Variants in PCDHA10 observed in about 807,000 individuals in gnomAD.
PCDHA10 encodes the protein protocadherin alpha-10.
Under a neutral mutation model 61.2 loss-of-function variants are expected in PCDHA10, and 45 were observed. That is an observed-to-expected ratio of 0.74 (90% CI 0.58 to 0.94). The LOEUF is 0.94. Among genes scored for constraint, PCDHA10 ranks in the 40% least tolerant of loss-of-function variants. The pLI is 0.00. For synonymous variants in PCDHA10, 602 were observed against 548.8 expected, an observed-to-expected ratio of 1.10 and a Z score of -1.35; for missense variants, 1,278 against 1,236.2, an observed-to-expected ratio of 1.03 and a Z score of -0.51.
At chr5:140,930,616 G>T (rs2086997332) in intron 1 of PCDHA10, among the ~76,000 whole-genome samples, 2 of 152,154 alleles carry the variant, frequency 1.3e-5, no homozygotes, top group African/African-American at 4.8e-5. Context: ...TGCAAGAGAA[G>T]GAGGTGTGTA....
At chr5:140,994,163 G>A (rs2097601451) in intron 3 of PCDHA10, among the ~76,000 whole-genome samples, 1 of 152,200 alleles carries the variant, frequency 6.6e-6, no homozygotes, top group African/African-American at 2.4e-5. Flanking sequence ...CAACGAAGGG[G>A]AAGGAAGCTG....
intron 1 of PCDHA10, among the ~76,000 whole-genome samples, chr5:140,957,571 G>A (rs2095367794): frequency 6.6e-6 from 1 of 152,068 alleles, no homozygotes; most frequent in African/African-American, 2.4e-5. Flanking sequence ...AGGGACTACT[G>A]TACTTTTAAC....
intron 1 of PCDHA10, among the ~76,000 whole-genome samples, chr5:140,950,613 A>G (rs980395914): frequency 3.3e-5 from 5 of 152,064 alleles, no homozygotes; most frequent in African/African-American, 1.2e-4. Context: ...TGATGTGCTT[A>G]TTTATGCTTT....
At chr5:140,943,893 A>AT (rs1364551909) in intron 1 of PCDHA10, among the ~76,000 whole-genome samples, 3 of 152,226 alleles carry the variant, frequency 2.0e-5, no homozygotes, top group Non-Finnish European at 4.4e-5. Flanking sequence ...ACTGGTCATT[A>AT]TGATGTCATG....
chr5:140,877,193 G>T, intron 1 of PCDHA10: 1 of 1,613,832 alleles, frequency 6.2e-7, no homozygotes, highest in Non-Finnish European at 8.5e-7. Flanking sequence ...GGCAGCGCAG[G>T]AGGCGCAGTT....
At chr5:140,873,452 C>G (rs147398020) in intron 1 of PCDHA10, among the ~76,000 whole-genome samples, 1 of 152,006 alleles carries the variant, frequency 6.6e-6, no homozygotes, top group South Asian at 2.1e-4. Context: ...AACAAATTTG[C>G]ATTTTAGATA....
At chr5:141,002,485 C>T (rs1287282223) in intron 3 of PCDHA10, among the ~76,000 whole-genome samples, 2 of 152,154 alleles carry the variant, frequency 1.3e-5, no homozygotes, top group Non-Finnish European at 2.9e-5. Flanking sequence ...AAAGGATGAC[C>T]TTGTTATACA....
chr5:140,933,586 T>A (rs1474110331), intron 1 of PCDHA10, among the ~76,000 whole-genome samples: 1 of 152,108 alleles, frequency 6.6e-6, no homozygotes, highest in Non-Finnish European at 1.5e-5. Flanking sequence ...AGTGGGTTTT[T>A]AGGTTGATTT....
Position 140,979,011 on chromosome 5 carries a change from T to C in PCDHA10, c.2447+4T>C. On this transcript the variant is annotated splice_donor_region_variant and intron_variant, in intron 2 of 3. Coordinates refer to ENST00000307360, the MANE Select transcript of PCDHA10 (RefSeq NM_018901.4). ...CCCTGAGAGCAGGCATGCACAGGTA[T>C]GTATTTCCCTCCTCATTCACTCAGA... The C allele has an allele frequency of 6.2e-7, 1 of 1,613,950 alleles. No homozygotes were observed. The highest frequency in any genetic ancestry group is 8.5e-7 in the Non-Finnish European group (1 of 1,179,938).
chr5:140,857,569 G>T lies in PCDHA10; in HGVS notation c.1521G>T (p.Val507=), dbSNP rs1554150250. 3 of 1,596,900 alleles carry T rather than the reference G, an allele frequency of 1.9e-6. No homozygotes were observed. The highest frequency in any genetic ancestry group is 1.1e-5 in the South Asian group (1 of 90,498). ...GCGAGCGCTCGCTGTCGAGCTACGT[G>T]TCGGTGCACGCGGAGAGCGGCAAGG... ...RLGERSLSSY[V]SVHAESGKVY... Residue 507 remains valine (V), a synonymous_variant, in exon 1 of 4, where the codon GTG becomes GTT. Coordinates refer to ENST00000307360, the MANE Select transcript of PCDHA10 (RefSeq NM_018901.4).
chr5:140,923,280 A>C (rs2081292990), intron 1 of PCDHA10, among the ~76,000 whole-genome samples: 1 of 152,220 alleles, frequency 6.6e-6, no homozygotes, highest in South Asian at 2.1e-4. Context: ...CTCTACAAAA[A>C]ATTAAAAATT....
chr5:140,926,806 C>T, intron 1 of PCDHA10: 1 of 1,456,722 alleles, frequency 6.9e-7, no homozygotes, highest in Non-Finnish European at 9.0e-7. Flanking sequence ...CTCTTCCCCG[C>T]GGCTCGTGCT....
At position 140,878,940 on chromosome 5, in the gene PCDHA10, A is replaced by G. The variant is rs554609702; in HGVS notation, c.2388+20504A>G. ...CTTCAATCAATAATTTTAAATAAATATATGGTATTGAAATGTATTACCTGG... is the reference window on the plus strand; with the variant it reads ...CTTCAATCAATAATTTTAAATAAATGTATGGTATTGAAATGTATTACCTGG... On this transcript the variant is annotated intron_variant, in intron 1 of 3. Transcript: ENST00000307360. 9.8e-5 allele frequency among the ~76,000 whole-genome samples: 15 copies of G among 152,366 alleles called. No individual in the cohort carries two copies. In the East Asian group the frequency reaches 2.3e-3, roughly 23 times the overall value.
At chr5:140,882,556 T>C (rs367760301) in intron 1 of PCDHA10, 103 of 1,614,070 alleles carry the variant, frequency 6.4e-5, no homozygotes, top group African/African-American at 9.3e-5. Flanking sequence ...AGGAGCTGTG[T>C]GGGCGGAGCG....
intron 1 of PCDHA10, among the ~76,000 whole-genome samples, chr5:140,913,494 T>C (rs1554195964): frequency 6.6e-6 from 1 of 152,116 alleles, no homozygotes; most frequent in Non-Finnish European, 1.5e-5. Flanking sequence ...CATTAGTCTG[T>C]TTAAAACTTT....
At chr5:140,969,236 G>A (rs782453054) in intron 1 of PCDHA10, 5 of 1,614,052 alleles carry the variant, frequency 3.1e-6, no homozygotes, top group Non-Finnish European at 4.2e-6. Flanking sequence ...GGGAGCCCAA[G>A]CAGCAGTGAC....
intron 1 of PCDHA10, chr5:140,862,524 C>T: frequency 4.8e-6 from 2 of 417,532 alleles, no homozygotes; most frequent in Middle Eastern, 9.1e-4. Context: ...TTGTTGGCCA[C>T]AGCCATCGGG....
rs782293908 is a variant in PCDHA10, at chr5:140,870,195, C to A, written c.2388+11759C>A. 3.1e-6 allele frequency: 5 copies of A among 1,614,178 alleles called. No individual in the cohort carries two copies. In the South Asian group the frequency reaches 5.5e-5, roughly 18 times the overall value. On this transcript the variant is annotated intron_variant, in intron 1 of 3. Transcript: ENST00000307360. ...TCCCAGTACGAGAGGACGCTCAGCC[C>A]AGCACGGTCATTGCCCTGATCAGCG...
intron 1 of PCDHA10, among the ~76,000 whole-genome samples, chr5:140,918,467 C>T (rs2078709178): frequency 6.6e-6 from 1 of 152,006 alleles, no homozygotes; most frequent in Non-Finnish European, 1.5e-5. Context: ...TGTCTTATTC[C>T]AAGTCTCAAG....
Sources: gnomAD v4.1 joint callset for allele counts (sites outside exome capture counted in the v4.1 genomes callset) on GRCh38, gnomAD v4.1.1 for gene constraint, MANE v1.5 for transcripts, NCBI Gene and HGNC (gene_info 2026-07-23, HGNC 2026-07-21) for gene names.